The following TMEM260 variants were observed in gnomAD, a reference collection of about 807,000 sequenced individuals.
The protein encoded by TMEM260 is protein O-mannosyl-transferase TMEM260.
Under a neutral mutation model 88.9 loss-of-function variants are expected in TMEM260, and 82 were observed. The ratio of observed to expected loss-of-function variants is 0.92; its 90% CI spans 0.77 to 1.11. The LOEUF is 1.11. TMEM260 is among the 50% of genes least tolerant of loss of function. The pLI, the probability that TMEM260 is intolerant of heterozygous loss-of-function variation, is 0.00. For synonymous variants in TMEM260, 314 were observed against 309.3 expected (o/e 1.02, Z -0.16); for missense variants, 902 against 853.4 (o/e 1.06, Z -0.71).
intron 3 of TMEM260, among the ~76,000 whole-genome samples, chr14:56,591,668 C>T (rs1885872423): frequency 6.6e-6 from 1 of 152,128 alleles, no homozygotes; most frequent in Non-Finnish European, 1.5e-5. Flanking sequence ...TGTTTTTATA[C>T]ATTTTAAACA....
intron 13 of TMEM260, chr14:56,633,382 A>G (rs778664032): frequency 5.5e-4 from 231 of 422,056 alleles, no homozygotes; most frequent in Admixed American, 2.1e-3. Context: ...AGGAGGGAAG[A>G]GGGTGCTGGT....
rs536873935 is a variant in TMEM260, at chr14:56,644,828, G to A, written c.1870-2415G>A. Among the ~76,000 whole-genome samples the A allele has an allele frequency of 2.0e-5, 3 of 152,212 alleles. No homozygotes were observed. The East Asian group carries it at 5.8e-4, about 29-fold the overall frequency. ...AAAAAAAACAACCCCATCAACAAGT[G>A]GGTGAAGGATATAAACAGACACTTC... On this transcript the variant is annotated intron_variant, in intron 15 of 15. Transcript: ENST00000261556.
Position 56,583,903 on chromosome 14 carries a change from G to A in TMEM260, c.161-1098G>A, listed in dbSNP as rs185206150. 1.2e-3 allele frequency among the ~76,000 whole-genome samples: 175 copies of A among 151,032 alleles called. 5 individuals carry two copies. The South Asian group carries it at 0.02, about 17-fold the overall frequency. ...GGGACCTTGAAACCATAGAAAGCTT[G>A]AACGTCATGCTGAGGAATCTGAACT... is the stretch of plus-strand genomic sequence containing the variant. On this transcript the variant is annotated intron_variant, in intron 1 of 15. Coordinates refer to ENST00000261556, the MANE Select transcript of TMEM260 (RefSeq NM_017799.4).
Position 56,607,629 on chromosome 14 carries a change from C to CAAACAA in TMEM260, c.637-1476_637-1475insAACAAA, listed in dbSNP as rs772669166. Among the ~76,000 whole-genome samples, 1,286 of 152,116 alleles carry CAAACAA rather than the reference C, an allele frequency of 8.5e-3. 32 individuals are homozygous for CAAACAA. The East Asian group carries it at 0.085, about 10-fold the overall frequency. On this transcript the variant is annotated intron_variant, in intron 5 of 15. Coordinates refer to ENST00000261556, the MANE Select transcript of TMEM260 (RefSeq NM_017799.4). ...CCGTGTTTGTTTGTGTGTATATATA[C>CAAACAA]ACAGATGTACATGTGTATATAGTAA... is the stretch of plus-strand genomic sequence containing the variant.
downstream of TMEM260, among the ~76,000 whole-genome samples, chr14:56,652,506 AAAT>A (rs1890224828): frequency 6.6e-6 from 1 of 150,514 alleles, no homozygotes; most frequent in African/African-American, 2.5e-5. Flanking sequence ...AAAAAAAAAA[AAAT>A]TATTATAAAA....
In TMEM260 at chr14:56,605,706, AAAAAG is replaced by A. The variant is rs577189355; in HGVS notation, c.636+24_636+28del. On this transcript the variant is annotated intron_variant, in intron 5 of 15. Transcript: ENST00000261556. ...AAGGTACGTTTTTGAATTTTGTAAA[AAAAAG>A]TACAATATTTTACTTAGGTCTAATA... 1,655 of 1,393,920 alleles carry A rather than the reference AAAAAG, an allele frequency of 1.2e-3. 18 individuals are homozygous for A. In the African/African-American group the frequency reaches 0.022, roughly 19 times the overall value. The allele number at this position is 1,393,920 out of a possible 1,614,324, so 86.3% of individuals were successfully genotyped here. A position where few individuals can be genotyped will look rare whatever the true frequency, so the allele number is the denominator to read the frequency against.
intron 1 of TMEM260, among the ~76,000 whole-genome samples, chr14:56,581,150 C>G (rs1049080233): frequency 6.6e-6 from 1 of 152,208 alleles, no homozygotes; most frequent in Non-Finnish European, 1.5e-5. Context: ...GGACACCTCT[C>G]TGTCTGACAG....
At chr14:56,594,393 A>C (rs1269532189) in intron 3 of TMEM260, among the ~76,000 whole-genome samples, 2 of 152,182 alleles carry the variant, frequency 1.3e-5, no homozygotes, top group Non-Finnish European at 2.9e-5. Context: ...ATGTCTTTTC[A>C]CTTTAATGGG....
At chr14:56,625,583 AT>A in intron 12 of TMEM260, 53 bp downstream of exon 12, 4 of 1,479,632 alleles carry the variant, frequency 2.7e-6, no homozygotes, top group Non-Finnish European at 3.7e-6. Context: ...CTTTTCTAAA[AT>A]TGTTTCTGTA....
At chr14:56,637,027 A>G (rs1352592978) in intron 15 of TMEM260, among the ~76,000 whole-genome samples, 1 of 152,194 alleles carries the variant, frequency 6.6e-6, no homozygotes, top group African/African-American at 2.4e-5. Flanking sequence ...GGGCAGAGAG[A>G]GAGAAACTTG....
chr14:56,586,454 T>C (rs1885509800), intron 3 of TMEM260, among the ~76,000 whole-genome samples: 1 of 152,256 alleles, frequency 6.6e-6, no homozygotes, highest in African/African-American at 2.4e-5. Context: ...AGATCCCAAG[T>C]AATTCATTGA....
At chr14:56,615,212 C>T (rs1222653915) in intron 7 of TMEM260, among the ~76,000 whole-genome samples, 1 of 152,064 alleles carries the variant, frequency 6.6e-6, no homozygotes, top group Non-Finnish European at 1.5e-5. Context: ...ACATTTTCTC[C>T]AGTAAAATTG....
rs905582470 is a variant in TMEM260, at chr14:56,643,063, T to C, written c.1870-4180T>C. ...AAAAGTCCAGGACCAGATGGATTCA[T>C]AGCCGAATTCTACCAGAGGTACAAG... On this transcript the variant is annotated intron_variant, in intron 15 of 15. Coordinates refer to ENST00000261556, the MANE Select transcript of TMEM260 (RefSeq NM_017799.4). Among the ~76,000 whole-genome samples the C allele has an allele frequency of 2.8e-4, 43 of 152,238 alleles. No homozygotes were observed. In the East Asian group the frequency reaches 3.3e-3, roughly 12 times the overall value.
chr14:56,620,681 G>A (rs951637815), intron 10 of TMEM260, among the ~76,000 whole-genome samples: 1 of 152,060 alleles, frequency 6.6e-6, no homozygotes. Flanking sequence ...ACAAAGGCAG[G>A]GATAATATTC....
the TMEM260 span, among the ~76,000 whole-genome samples, chr14:56,658,270 T>C: frequency 0.28 from 42,465 of 152,014 alleles, 9,358 homozygotes; most frequent in African/African-American, 0.6. Context: ...GTTTTTGAGA[T>C]GGAGTCTTAC....
chr14:56,659,040 T>C, the TMEM260 span, among the ~76,000 whole-genome samples: 1 of 152,114 alleles, frequency 6.6e-6, no homozygotes, highest in South Asian at 2.1e-4. Flanking sequence ...AAAAATACTA[T>C]TATTAGAAAT....
chr14:56,647,073 A>T (rs920580643), intron 15 of TMEM260, among the ~76,000 whole-genome samples, 170 bp from the exon 16 acceptor site: 3 of 152,108 alleles, frequency 2.0e-5, no homozygotes, highest in Non-Finnish European at 4.4e-5. Context: ...TACTGTAATA[A>T]TTGCAGTAAC....
Position 56,612,227 on chromosome 14 carries a change from T to G in TMEM260, c.817-18T>G. 5.0e-6 allele frequency: 8 copies of G among 1,608,854 alleles called. No homozygotes were observed. The highest frequency in any genetic ancestry group is 6.8e-6 in the Non-Finnish European group (8 of 1,175,246). ...AGTTTAATGCTTGTGCAGATAAACT[T>G]TTGTCTTTTGTGTTTAGGCCAAATC... On this transcript the variant is annotated intron_variant, in intron 6 of 15. Coordinates refer to ENST00000261556, the MANE Select transcript of TMEM260 (RefSeq NM_017799.4).
intron 9 of TMEM260, among the ~76,000 whole-genome samples, chr14:56,618,052 C>A (rs1887693885): frequency 6.6e-6 from 1 of 152,180 alleles, no homozygotes. Flanking sequence ...TCTTCCCTGT[C>A]TCCCCCACCC....
Sources: gnomAD v4.1 joint callset for allele counts (sites outside exome capture counted in the v4.1 genomes callset) on GRCh38, gnomAD v4.1.1 for gene constraint, MANE v1.5 for transcripts, NCBI Gene and HGNC (gene_info 2026-07-23, HGNC 2026-07-21) for gene names.